Variants in ENTREP2 observed in about 807,000 individuals in gnomAD.
ENTREP2 encodes protein ENTREP2.
chr15:29,127,862 G>C, the ENTREP2 span, among the ~76,000 whole-genome samples: 1 of 152,320 alleles, frequency 6.6e-6, no homozygotes, highest in South Asian at 2.1e-4. Flanking sequence ...GACAGTGACT[G>C]AGATACACTG....
chr15:29,262,453 CA>C, the ENTREP2 span, among the ~76,000 whole-genome samples: 1 of 152,286 alleles, frequency 6.6e-6, no homozygotes, highest in Non-Finnish European at 1.5e-5. Context: ...CGTTTTTGTC[CA>C]ATCACATTTC....
the ENTREP2 span, among the ~76,000 whole-genome samples, chr15:29,190,784 T>C: frequency 6.6e-6 from 1 of 152,164 alleles, no homozygotes; most frequent in Non-Finnish European, 1.5e-5. Flanking sequence ...TATGGAAAAT[T>C]CAGACATGGA....
At chr15:29,587,034 T>G in the ENTREP2 span, among the ~76,000 whole-genome samples, 2 of 151,886 alleles carry the variant, frequency 1.3e-5, no homozygotes, top group African/African-American at 2.4e-5. Flanking sequence ...AGGAAAGGAG[T>G]TGGAGACATA....
chr15:29,668,760 C>T, the ENTREP2 span, among the ~76,000 whole-genome samples: 33 of 152,318 alleles, frequency 2.2e-4, 1 homozygote, highest in African/African-American at 7.7e-4. Context: ...CCTTATCTGT[C>T]TAAAGTCTGG....
At chr15:29,403,963 C>T in the ENTREP2 span, among the ~76,000 whole-genome samples, 3 of 152,204 alleles carry the variant, frequency 2.0e-5, no homozygotes, top group African/African-American at 7.2e-5. Context: ...AGGCTGCTCT[C>T]CCTCCTCCCT....
At chr15:29,323,853 A>C in the ENTREP2 span, among the ~76,000 whole-genome samples, 1 of 152,008 alleles carries the variant, frequency 6.6e-6, no homozygotes, top group Non-Finnish European at 1.5e-5. Context: ...AGTTTGAGAA[A>C]TTTTTTCCCA....
chr15:29,428,617 A>G, the ENTREP2 span, among the ~76,000 whole-genome samples: 1 of 152,226 alleles, frequency 6.6e-6, no homozygotes, highest in Non-Finnish European at 1.5e-5. Flanking sequence ...ATTAGGAAAC[A>G]GAACTTAAAA....
the ENTREP2 span, among the ~76,000 whole-genome samples, chr15:29,539,117 G>A: frequency 6.6e-6 from 1 of 152,124 alleles, no homozygotes; most frequent in Admixed American, 6.5e-5. Flanking sequence ...TACTGGGGCC[G>A]GGTGGAAACG....
At chr15:29,497,876 G>A in the ENTREP2 span, among the ~76,000 whole-genome samples, 1 of 151,882 alleles carries the variant, frequency 6.6e-6, no homozygotes, top group Non-Finnish European at 1.5e-5. Flanking sequence ...TTGTTTATTT[G>A]AGATCTTTCA....
the ENTREP2 span, among the ~76,000 whole-genome samples, chr15:29,451,874 A>T: frequency 1.8e-4 from 27 of 152,208 alleles, no homozygotes; most frequent in African/African-American, 5.8e-4. Flanking sequence ...TTCTGTGCAG[A>T]CCTCTGCGAA....
the ENTREP2 span, among the ~76,000 whole-genome samples, chr15:29,486,345 AT>A: frequency 6.6e-6 from 1 of 152,226 alleles, no homozygotes; most frequent in Non-Finnish European, 1.5e-5. Flanking sequence ...CTATTTGGCC[AT>A]AAGATAGAAT....
the ENTREP2 span, among the ~76,000 whole-genome samples, chr15:29,530,171 G>A: frequency 0.011 from 1,711 of 152,178 alleles, 18 homozygotes; most frequent in Non-Finnish European, 0.014. Flanking sequence ...AAGCTCTTCC[G>A]AACAAGGCTT....
chr15:29,223,179 C>T, the ENTREP2 span, among the ~76,000 whole-genome samples: 1 of 152,172 alleles, frequency 6.6e-6, no homozygotes, highest in African/African-American at 2.4e-5. Flanking sequence ...TGGGGGAGAT[C>T]ATATAGTATT....
chr15:29,379,310 C>T, the ENTREP2 span, among the ~76,000 whole-genome samples: 66 of 152,298 alleles, frequency 4.3e-4, no homozygotes, highest in African/African-American at 1.5e-3. Context: ...CCACAGGCCA[C>T]GCCTGACCTG....
chr15:29,380,289 T>C, the ENTREP2 span, among the ~76,000 whole-genome samples: 3 of 152,162 alleles, frequency 2.0e-5, no homozygotes, highest in African/African-American at 7.2e-5. Context: ...CACTCCTGTC[T>C]TCCCTGATAC....
chr15:29,453,430 C>T, the ENTREP2 span, among the ~76,000 whole-genome samples: 3 of 152,208 alleles, frequency 2.0e-5, no homozygotes, highest in East Asian at 5.8e-4. Context: ...TATTAAAATA[C>T]AATAAATATC....
At chr15:29,458,240 A>T in the ENTREP2 span, among the ~76,000 whole-genome samples, 48 of 152,180 alleles carry the variant, frequency 3.2e-4, no homozygotes, top group African/African-American at 1.1e-3. Flanking sequence ...GAGACAGCAA[A>T]TTTGCCCTTC....
chr15:29,650,034 T>A, the ENTREP2 span, among the ~76,000 whole-genome samples: 1 of 152,286 alleles, frequency 6.6e-6, no homozygotes, highest in African/African-American at 2.4e-5. Flanking sequence ...CTGAGCTATA[T>A]CCCAGAGGAC....
At chr15:29,656,705 C>G in the ENTREP2 span, among the ~76,000 whole-genome samples, 1 of 152,102 alleles carries the variant, frequency 6.6e-6, no homozygotes, top group Non-Finnish European at 1.5e-5. Flanking sequence ...ACCAAATGCT[C>G]GCAAGGACGT....
Sources: allele counts gnomAD v4.1 joint callset (sites outside exome capture counted in the v4.1 genomes callset), GRCh38; gene constraint gnomAD v4.1.1; transcripts MANE v1.5; gene names NCBI Gene and HGNC (gene_info 2026-07-23, HGNC 2026-07-21).